The following ZFHX3 variants were observed in gnomAD, a reference collection of about 807,000 sequenced individuals.
The protein encoded by ZFHX3 is zinc finger homeobox protein 3.
In ZFHX3, 42 loss-of-function variants were observed where a neutral mutation model predicts 279.1. The ratio of observed to expected loss-of-function variants is 0.15; its 90% confidence interval spans 0.12 to 0.19. The LOEUF (loss-of-function observed/expected upper bound fraction) is 0.19, where lower values mean the gene tolerates loss of function less well. Ranked by LOEUF, ZFHX3 falls within the 10% of genes least tolerant of loss-of-function variation. The probability of loss-of-function intolerance (pLI) is 1.00; values close to 1 mark genes in which losing one functional copy is unlikely to be tolerated. For synonymous variants in ZFHX3, 2,293 were observed against 1,957.8 expected, an observed-to-expected ratio of 1.17 and a Z score of -4.52; for missense variants, 4,981 against 4,754.0, an observed-to-expected ratio of 1.05 and a Z score of -1.40.
At chr16:73,625,207 T>G (rs936600075) in intron 2 of ZFHX3, among the ~76,000 whole-genome samples, 1 of 152,234 alleles carries the variant, frequency 6.6e-6, no homozygotes, top group Non-Finnish European at 1.5e-5. Context: ...GGTTTGTAAA[T>G]TACGCATGCA....
At chr16:73,240,742 T>G (rs2013096488) in intron 5 of ZFHX3, among the ~76,000 whole-genome samples, 1 of 152,186 alleles carries the variant, frequency 6.6e-6, no homozygotes, top group South Asian at 2.1e-4. Flanking sequence ...ATTTTGAAGT[T>G]ACAACTAAAT....
intron 2 of ZFHX3, among the ~76,000 whole-genome samples, chr16:73,548,954 G>T (rs1198180463): frequency 6.6e-6 from 1 of 152,116 alleles, no homozygotes; most frequent in African/African-American, 2.4e-5. Context: ...GCTCTCAGCA[G>T]CTAAAATATG....
chr16:73,081,842 T>G lies in ZFHX3; in HGVS notation c.-533+11393A>C, dbSNP rs1965949831. On this transcript the variant is annotated intron_variant, in intron 8 of 17. Transcript: ENST00000641206. ...AAATGTTCTTGTCCACATCTTTTTTTTTTTTTTTTTTTGAGACGGAGTCTC... is the reference window on the plus strand; with the variant it reads ...AAATGTTCTTGTCCACATCTTTTTTGTTTTTTTTTTTTGAGACGGAGTCTC... Among the ~76,000 whole-genome samples, 5 of 150,614 alleles carry G rather than the reference T, an allele frequency of 3.3e-5. No homozygotes were observed. The South Asian group carries it at 1.1e-3, about 32-fold the overall frequency.
At chr16:73,184,522 A>G (rs1597208843) in intron 5 of ZFHX3, among the ~76,000 whole-genome samples, 1 of 152,148 alleles carries the variant, frequency 6.6e-6, no homozygotes, top group African/African-American at 2.4e-5. Context: ...TTTATTTCAA[A>G]TGGGCTCAGC....
Position 72,950,769 on chromosome 16 carries a change from C to T in ZFHX3, c.2916G>A (p.Ser972=), listed in dbSNP as rs2228200. Residue 972 remains serine (S), a synonymous_variant, in exon 3 of 10, where the codon TCG becomes TCA. Transcript: ENST00000268489. ...GLHMNVERSL[S]EDEWKAVMGD... ...CCATCACCGCCTTCCACTCGTCCTC[C>T]GACAGGCTGCGCTCCACGTTCATGT... The T allele has an allele frequency of 0.06, 97,096 of 1,614,142 alleles. 3,471 individuals are homozygous for T. Among genetic ancestry groups the T allele is most frequent in the Non-Finnish European group, 0.069 (81,151 of 1,180,016 alleles).
chr16:73,651,291 G>A (rs934596778), intron 2 of ZFHX3, among the ~76,000 whole-genome samples: 2 of 151,430 alleles, frequency 1.3e-5, no homozygotes, highest in Non-Finnish European at 2.9e-5. Context: ...GATATAGTAA[G>A]AAGGCCTAAT....
chr16:73,213,576 T>C (rs757090508), intron 5 of ZFHX3, among the ~76,000 whole-genome samples: 3 of 152,234 alleles, frequency 2.0e-5, no homozygotes, highest in Non-Finnish European at 4.4e-5. Context: ...GTAACTCTTT[T>C]GTTTTCTAAT....
At chr16:72,925,187 C>T (rs745663017) in intron 3 of ZFHX3, among the ~76,000 whole-genome samples, 29 of 152,332 alleles carry the variant, frequency 1.9e-4, no homozygotes, top group South Asian at 8.3e-4. Context: ...AAAGCCATTG[C>T]TGTGCTATCG....
At chr16:73,823,746 G>A (rs1399687673) in intron 1 of ZFHX3, among the ~76,000 whole-genome samples, 2 of 152,190 alleles carry the variant, frequency 1.3e-5, no homozygotes, top group African/African-American at 4.8e-5. Flanking sequence ...AAAGTTTGCT[G>A]ACTCCTAGTC....
chr16:72,939,589 G>A (rs553084747), intron 3 of ZFHX3, among the ~76,000 whole-genome samples: 5 of 152,272 alleles, frequency 3.3e-5, no homozygotes, highest in South Asian at 2.1e-4. Flanking sequence ...TCATTGTCCC[G>A]AAGGCCCATA....
chr16:73,395,514 C>T (rs1353114133), intron 3 of ZFHX3, among the ~76,000 whole-genome samples: 1 of 151,754 alleles, frequency 6.6e-6, no homozygotes, highest in East Asian at 1.9e-4. Flanking sequence ...AAGAGGGTCA[C>T]CCTGCACCGT....
intron 3 of ZFHX3, among the ~76,000 whole-genome samples, chr16:72,890,383 T>C (rs760110298): frequency 5.9e-5 from 9 of 152,306 alleles, no homozygotes; most frequent in Admixed American, 1.3e-4. Context: ...TCCCCACCCC[T>C]GCAGAACTGT....
intron 3 of ZFHX3, among the ~76,000 whole-genome samples, chr16:72,897,036 G>A (rs2038917662): frequency 6.6e-6 from 1 of 152,332 alleles, no homozygotes; most frequent in East Asian, 1.9e-4. Context: ...TATTCCAGGA[G>A]ATGCGAGGTG....
At chr16:73,835,609 T>C (rs149759164) in intron 1 of ZFHX3, among the ~76,000 whole-genome samples, 3 of 151,904 alleles carry the variant, frequency 2.0e-5, no homozygotes, top group Admixed American at 6.6e-5. Flanking sequence ...TAGCTGGGAT[T>C]ACAGGCACCC....
intron 3 of ZFHX3, among the ~76,000 whole-genome samples, chr16:73,411,897 G>A (rs1345692329): frequency 6.6e-6 from 1 of 152,148 alleles, no homozygotes; most frequent in Non-Finnish European, 1.5e-5. Flanking sequence ...CATGATAGCA[G>A]GTGCCTCCAT....
At chr16:73,295,611 G>A (rs1013057976) in intron 4 of ZFHX3, among the ~76,000 whole-genome samples, 4 of 152,182 alleles carry the variant, frequency 2.6e-5, no homozygotes, top group Non-Finnish European at 5.9e-5. Flanking sequence ...GAACGTTTAC[G>A]ATGTCAGCAA....
chr16:73,321,700 C>G (rs972069959), intron 3 of ZFHX3, among the ~76,000 whole-genome samples: 1 of 152,178 alleles, frequency 6.6e-6, no homozygotes, highest in African/African-American at 2.4e-5. Context: ...GCAGGCCTGG[C>G]CTGCAGCTCA....
intron 2 of ZFHX3, among the ~76,000 whole-genome samples, chr16:73,639,624 C>G (rs2052556562): frequency 1.3e-5 from 2 of 152,082 alleles, no homozygotes. Context: ...AGGAGTTTCC[C>G]TGTATAAATT....
intron 3 of ZFHX3, among the ~76,000 whole-genome samples, chr16:73,445,802 T>C (rs2018176539): frequency 6.6e-6 from 1 of 152,162 alleles, no homozygotes; most frequent in Admixed American, 6.5e-5. Context: ...GGTGTCCAAA[T>C]GCACAGCAGG....
Sources: gnomAD v4.1 joint callset for allele counts (sites outside exome capture counted in the v4.1 genomes callset) on GRCh38, gnomAD v4.1.1 for gene constraint, MANE v1.5 for transcripts, NCBI Gene and HGNC (gene_info 2026-07-23, HGNC 2026-07-21) for gene names.